The following ADAMTS15 variants were observed in gnomAD, a reference collection of about 807,000 sequenced individuals.
The protein encoded by ADAMTS15 is A disintegrin and metalloproteinase with thrombospondin motifs 15.
ADAMTS15 carries 35 observed loss-of-function variants against 79.1 expected under a neutral mutation model. The ratio of observed to expected loss-of-function variants is 0.44; its 90% CI spans 0.34 to 0.59. The LOEUF (loss-of-function observed/expected upper bound fraction) is 0.59. ADAMTS15 is among the 20% of genes least tolerant of loss of function. The probability of loss-of-function intolerance (pLI) is 0.02; values close to 1 mark genes in which losing one functional copy is unlikely to be tolerated. For missense variants in ADAMTS15, 1,324 were observed against 1,318.7 expected (o/e 1.00, Z -0.06); for synonymous variants, 616 against 567.3 (o/e 1.09, Z -1.22).
intron 2 of ADAMTS15, among the ~76,000 whole-genome samples, 171 bp from the exon 3 acceptor site, chr11:130,461,916 A>C (rs1000153626): frequency 6.6e-6 from 1 of 152,198 alleles, no homozygotes; most frequent in Admixed American, 6.5e-5. Context: ...CGGAGGGGAC[A>C]GAAAACACAA....
chr11:130,459,939 G>A (rs143362711), intron 1 of ADAMTS15, among the ~76,000 whole-genome samples: 13 of 152,294 alleles, frequency 8.5e-5, no homozygotes, highest in South Asian at 8.3e-4. Context: ...TTGCATATAC[G>A]TGCACATGCA....
chr11:130,470,133 C>CATATATATATATATATATATGTGTAT (rs1244452788), intron 5 of ADAMTS15, among the ~76,000 whole-genome samples: 1 of 74,820 alleles, frequency 1.3e-5, no homozygotes, highest in Non-Finnish European at 2.5e-5. Flanking sequence ...TATATATATA[C>CATATATATATATATATATATGTGTAT]ATATATATAT....
rs911391031 is a variant in ADAMTS15 at position 130,468,939 on chromosome 11, C to CAAAAAAAAAAAAAAAA, written c.1543-311_1543-296dup. On this transcript the variant is annotated intron_variant, in intron 4 of 7. Transcript: ENST00000299164. ...GCAAAAGAGGGAGACTCCACCTCAACAAAAAAAAAAAAAAAAAAAAAAAAA... is the reference window on the plus strand; with the variant it reads ...GCAAAAGAGGGAGACTCCACCTCAACAAAAAAAAAAAAAAAAAAAAAAAAAAAAAAAAAAAAAAAAA... 6.1e-4 allele frequency among the ~76,000 whole-genome samples: 17 copies of CAAAAAAAAAAAAAAAA among 27,848 alleles called. 1 individual carries two copies. The highest frequency in any genetic ancestry group is 1.4e-3 in the African/African-American group (14 of 10,138). The allele number at this position is 27,848 out of a possible 152,430, so 18.3% of individuals were successfully genotyped here. A position where few individuals can be genotyped will look rare whatever the true frequency, so the allele number is the denominator to read the frequency against.
At chr11:130,461,673 T>G (rs761751670) in intron 2 of ADAMTS15, 52 bp downstream of exon 2, 2 of 1,607,670 alleles carry the variant, frequency 1.2e-6, no homozygotes, top group Non-Finnish European at 1.7e-6. Flanking sequence ...CTGGGGAGCC[T>G]GGAGGGTGGG....
intron 4 of ADAMTS15, 61 bp from the exon 5 acceptor site, chr11:130,469,201 G>A: frequency 7.5e-7 from 1 of 1,341,728 alleles, no homozygotes; most frequent in Non-Finnish European, 9.7e-7. Flanking sequence ...TTTTCTATGG[G>A]CTGAGGGGCT....
intron 4 of ADAMTS15, among the ~76,000 whole-genome samples, chr11:130,465,772 C>T (rs1001437686): frequency 3.3e-5 from 5 of 151,860 alleles, no homozygotes; most frequent in African/African-American, 9.7e-5. Context: ...TCTCCACTGC[C>T]TCTCGGTTGT....
chr11:130,462,914 C>T lies in ADAMTS15; in HGVS notation c.1542+134C>T. On this transcript the variant is annotated intron_variant, in intron 4 of 7. Transcript: ENST00000299164. The surrounding 1 kb of genome is among the most constrained non-coding windows in gnomAD (Gnocchi z 4.3). ...CCACGGGACCAGCACTGTTGCATGG[C>T]TGAGCTGTGCCTTCACTGCCCTGTA... 8.1e-7 allele frequency: 1 copy of T among 1,228,894 alleles called. No individual in the cohort carries two copies. The highest frequency in any genetic ancestry group is 1.1e-6 in the Non-Finnish European group (1 of 888,018). The allele number at this position is 1,228,894 out of a possible 1,614,324, so 76.1% of individuals were successfully genotyped here.
intron 1 of ADAMTS15, among the ~76,000 whole-genome samples, chr11:130,457,777 C>G (rs1938117049): frequency 6.6e-6 from 1 of 152,132 alleles, no homozygotes; most frequent in South Asian, 2.1e-4. Flanking sequence ...CACTGCTGGG[C>G]CCCTGTATAA....
Position 130,469,374 on chromosome 11 carries a change from G to T in ADAMTS15, c.1655G>T (p.Gly552Val). The change falls in exon 5 of 8, where the codon GGC (glycine) becomes GTC (valine). Residue 552 changes from glycine (G) to valine (V), a missense_variant. Coordinates refer to ENST00000299164, the MANE Select transcript of ADAMTS15 (RefSeq NM_139055.4). ...ACCAACCCCACCCCTGCCAACGGGG[G>T]CAAGTACTGCGAGGGAGTGAGGGTG... ...QCTNPTPANGGKYCEGVRVKY... is the reference protein window; with the variant it reads ...QCTNPTPANGVKYCEGVRVKY... 7.3e-7 allele frequency: 1 copy of T among 1,362,802 alleles called. No homozygotes were observed. The highest frequency in any genetic ancestry group is 9.5e-7 in the Non-Finnish European group (1 of 1,049,196). The allele number at this position is 1,362,802 out of a possible 1,614,324, so 84.4% of individuals were successfully genotyped here.
chr11:130,461,620 G>C lies in ADAMTS15; in HGVS notation c.1089G>C (p.Leu363=), dbSNP rs895292928. 6 of 1,613,966 alleles carry C rather than the reference G, an allele frequency of 3.7e-6. No homozygotes were observed. The African/African-American group carries it at 8.0e-5, about 22-fold the overall frequency. Residue 363 remains leucine, a splice_region_variant and synonymous_variant, in exon 2 of 8, where the codon CTG becomes CTC. Coordinates refer to ENST00000299164, the MANE Select transcript of ADAMTS15 (RefSeq NM_139055.4). ...CAGCCTTCACCACTGCCCACGAGCT[G>C]GGTAAGGCTGGATAAGCTCCTCCTG... is the stretch of plus-strand genomic sequence containing the variant. ...LPSAFTTAHE[L]GHVFNMPHDN... is the part of the protein sequence containing the mutation.
Position 130,448,755 on chromosome 11 carries a change from G to A in ADAMTS15, c.-219G>A, listed in dbSNP as rs1355788148. Among the ~76,000 whole-genome samples, 1 of 152,238 alleles carries A rather than the reference G, an allele frequency of 6.6e-6. No homozygotes were observed. Among genetic ancestry groups the A allele is most frequent in the East Asian group, 1.9e-4 (1 of 5,180 alleles). On this transcript the variant is annotated 5_prime_UTR_variant, in exon 1 of 8. Coordinates refer to ENST00000299164, the MANE Select transcript of ADAMTS15 (RefSeq NM_139055.4). ...GCGATTGTACTTAAGCTCCCAGGGCGCGCTTTGCTTGGAAAGGCACAGGTA... is the reference window on the plus strand; with the variant it reads ...GCGATTGTACTTAAGCTCCCAGGGCACGCTTTGCTTGGAAAGGCACAGGTA...
Position 130,472,895 on chromosome 11 carries a change from G to A in ADAMTS15, c.2079-152G>A, listed in dbSNP as rs1938486570. 3 of 1,128,772 alleles carry A rather than the reference G, an allele frequency of 2.7e-6. No homozygotes were observed. The highest frequency in any genetic ancestry group is 2.3e-5 in the Admixed American group (1 of 43,476). 69.9% of individuals were successfully genotyped at this position (1,128,772 alleles called of 1,614,324 possible). ...CAGCTTTCCAGCACCAATCGCCAAG[G>A]GGCAGGGACCTCTCTGACTCCAAAA... On this transcript the variant is annotated intron_variant, in intron 7 of 7. Transcript: ENST00000299164. The surrounding 1 kb of genome is among the most constrained non-coding windows in gnomAD (Gnocchi z 4.7).
chr11:130,470,133 C>CATGTGTATATATATATATATGTGTAT (rs1555080995), intron 5 of ADAMTS15, among the ~76,000 whole-genome samples: 13 of 74,790 alleles, frequency 1.7e-4, no homozygotes, highest in African/African-American at 6.4e-4. Context: ...TATATATATA[C>CATGTGTATATATATATATATGTGTAT]ATATATATAT....
intron 4 of ADAMTS15, among the ~76,000 whole-genome samples, chr11:130,466,484 A>G (rs1453574555): frequency 6.6e-6 from 1 of 152,056 alleles, no homozygotes; most frequent in Non-Finnish European, 1.5e-5. Context: ...TCAACCTGAA[A>G]CCCTGTTTCT....
In ADAMTS15 at chr11:130,474,938, A is replaced by C. The variant is rs1465055734; in HGVS notation, c.*1117A>C. ...GTGCCTATAAACTCGTCTTCGTTCC[A>C]AACAGCTACTGCTGTCTGCCCTGGG... On this transcript the variant is annotated 3_prime_UTR_variant, in exon 8 of 8. Coordinates refer to ENST00000299164, the MANE Select transcript of ADAMTS15 (RefSeq NM_139055.4). 6.6e-6 allele frequency: 1 copy of C among 152,320 alleles called. No homozygotes were observed. Among genetic ancestry groups the C allele is most frequent in the Admixed American group, 6.5e-5 (1 of 15,278 alleles). The allele number at this position is 152,320 out of a possible 1,614,324, so 9.4% of individuals were successfully genotyped here.
chr11:130,465,245 G>A (rs904817720), intron 4 of ADAMTS15, among the ~76,000 whole-genome samples: 5 of 152,066 alleles, frequency 3.3e-5, no homozygotes, highest in East Asian at 3.9e-4. Flanking sequence ...CCCACCTCCC[G>A]ACCTGCTTCC....
Position 130,449,613 on chromosome 11 carries a change from G to T in ADAMTS15, c.640G>T (p.Val214Leu). Reference protein sequence around the residue: ...RRRSGRAKRFVSIPRYVETLV... With the variant: ...RRRSGRAKRFLSIPRYVETLV... ...CAGGTCTGGGCGCGCCAAGCGTTTCGTGTCTATCCCGCGGTACGTGGAGAC... is the reference window on the plus strand; with the variant it reads ...CAGGTCTGGGCGCGCCAAGCGTTTCTTGTCTATCCCGCGGTACGTGGAGAC... Residue 214 changes from valine (V) to leucine (L), a missense_variant, in exon 1 of 8, where the codon GTG (valine) becomes TTG (leucine). By Grantham distance (32) the Val-to-Leu change is conservative. Coordinates refer to ENST00000299164, the MANE Select transcript of ADAMTS15 (RefSeq NM_139055.4). This position sits in a 1 kb window ranked among gnomAD's most constrained non-coding sequence, Gnocchi z 7.8. The T allele has an allele frequency of 6.2e-7, 1 of 1,605,772 alleles. No homozygotes were observed. The highest frequency in any genetic ancestry group is 1.1e-5 in the South Asian group (1 of 89,906).
Position 130,449,891 on chromosome 11 carries a change from C to T in ADAMTS15, c.918C>T (p.His306=), listed in dbSNP as rs754490787. 2.5e-6 allele frequency: 4 copies of T among 1,601,186 alleles called. No homozygotes were observed. The highest frequency in any genetic ancestry group is 1.7e-5 in the Admixed American group (1 of 60,008). Residue 306 remains histidine, a synonymous_variant, in exon 1 of 8, where the codon CAC becomes CAT. Coordinates refer to ENST00000299164, the MANE Select transcript of ADAMTS15 (RefSeq NM_139055.4). This position sits in a 1 kb window ranked among gnomAD's most constrained non-coding sequence, Gnocchi z 7.8. ...QKKLNKVSDK[H]PEYWDTAILF... is the part of the protein sequence containing the mutation. ...AGCTGAACAAAGTGAGTGACAAGCA[C>T]CCCGAGTACTGGGACACTGCCATCC...
At position 130,469,377 on chromosome 11, in the gene ADAMTS15, A is replaced by G; in HGVS notation, c.1658A>G (p.Lys553Arg). 1 of 1,360,394 alleles carries G rather than the reference A, an allele frequency of 7.4e-7. No homozygotes were observed. The highest frequency in any genetic ancestry group is 9.5e-7 in the Non-Finnish European group (1 of 1,047,822). The allele number at this position is 1,360,394 out of a possible 1,614,324, so 84.3% of individuals were successfully genotyped here. A position where few individuals can be genotyped will look rare whatever the true frequency, so the allele number is the denominator to read the frequency against. ...CTNPTPANGG[K>R]YCEGVRVKYR... Reference sequence around the variant, plus strand: ...AACCCCACCCCTGCCAACGGGGGCAAGTACTGCGAGGGAGTGAGGGTGAAA... The same window carrying G: ...AACCCCACCCCTGCCAACGGGGGCAGGTACTGCGAGGGAGTGAGGGTGAAA... The change falls in exon 5 of 8, where the codon AAG becomes AGG. Residue 553 changes from lysine to arginine, a missense_variant. Transcript: ENST00000299164.
Sources: gnomAD v4.1 joint callset for allele counts (sites outside exome capture counted in the v4.1 genomes callset) on GRCh38, gnomAD v4.1.1 for gene constraint, Gnocchi (gnomAD v3.1) non-coding constraint, MANE v1.5 for transcripts, NCBI Gene and HGNC (gene_info 2026-07-23, HGNC 2026-07-21) for gene names.